Variants in RPL11 observed in about 807,000 individuals in gnomAD.
The protein encoded by RPL11 is large ribosomal subunit protein uL5.
Under a neutral mutation model 24.1 loss-of-function variants are expected in RPL11, and 3 were observed. The observed-to-expected ratio is 0.12, with a 90% confidence interval of 0.06 to 0.32. The LOEUF (loss-of-function observed/expected upper bound fraction) is 0.32, where lower values mean the gene tolerates loss of function less well. RPL11 is among the 10% of genes least tolerant of loss of function. The pLI is 1.00. For synonymous variants in RPL11, 96 were observed against 75.7 expected (o/e 1.27, Z -1.39); for missense variants, 146 against 225.7 (o/e 0.65, Z 2.26).
chr1:23,695,673 G>C, intron 4 of RPL11, 125 bp from the exon 5 acceptor site: 1 of 853,994 alleles, frequency 1.2e-6, no homozygotes, highest in Non-Finnish European at 1.9e-6. Flanking sequence ...CAGATCATGG[G>C]TCTTGCTCCA....
chr1:23,695,779 T>C lies in RPL11; in HGVS notation c.397-19T>C. On this transcript the variant is annotated intron_variant, in intron 4 of 5. Transcript: ENST00000643754. ...TGACTCTGAGCTGGCTAGGTGACTG[T>C]TGGTTATTCCTGGGACAGGTGCTGG... The C allele has an allele frequency of 6.4e-7, 1 of 1,569,354 alleles. No homozygotes were observed. Among genetic ancestry groups the C allele is most frequent in the East Asian group, 2.3e-5 (1 of 43,260 alleles).
Position 23,693,988 on chromosome 1 carries a change from T to G in RPL11, c.264+75T>G, listed in dbSNP as rs1045194658. On this transcript the variant is annotated intron_variant, in intron 3 of 5. Coordinates refer to ENST00000643754, the MANE Select transcript of RPL11 (RefSeq NM_000975.5). ...ACACATGTAGATAAGTTACATTTAA[T>G]GTTCTGTTCTTTGGTGTCTTGATAT... The G allele has an allele frequency of 6.4e-6, 7 of 1,092,430 alleles. No individual in the cohort carries two copies. The African/African-American group carries it at 1.1e-4, about 17-fold the overall frequency. The allele number at this position is 1,092,430 out of a possible 1,614,324, so 67.7% of individuals were successfully genotyped here.
In RPL11 at chr1:23,696,622, G is replaced by A. The variant is rs973973201; in HGVS notation, c.*249G>A. The A allele has an allele frequency of 4.8e-5, 28 of 580,614 alleles. 1 individual carries two copies. The highest frequency in any genetic ancestry group is 4.7e-4 in the African/African-American group (25 of 53,556). 36.0% of individuals were successfully genotyped at this position (580,614 alleles called of 1,614,324 possible). A position where few individuals can be genotyped will look rare whatever the true frequency, so the allele number is the denominator to read the frequency against. On this transcript the variant is annotated 3_prime_UTR_variant, in exon 6 of 6. Transcript: ENST00000643754. Reference sequence around the variant, plus strand: ...GCCACACCTTGGTTGATGTGCTGTGGTGCAGTAGCCCCATTTGGAGGGGAG... The same window carrying A: ...GCCACACCTTGGTTGATGTGCTGTGATGCAGTAGCCCCATTTGGAGGGGAG...
At position 23,696,362 on chromosome 1, in the gene RPL11, C is replaced by T. The variant is rs11556035; in HGVS notation, c.526C>T (p.Pro176Ser). 6.2e-7 allele frequency: 1 copy of T among 1,614,036 alleles called. No individual in the cohort carries two copies. Among genetic ancestry groups the T allele is most frequent in the Non-Finnish European group, 8.5e-7 (1 of 1,179,924 alleles). Residue 176 changes from proline (P) to serine (S), a missense_variant, in exon 6 of 6, where the codon CCT becomes TCT. Pro to Ser is a moderately conservative substitution (Grantham distance 74). Transcript: ENST00000643754. ...FQQKYDGIIL[P>S]GK is the part of the protein sequence containing the mutation. ...CTTTCAGTATGATGGGATCATCCTTCCTGGCAAATAAATTCCCGTTTCTAT... is the reference window on the plus strand; with the variant it reads ...CTTTCAGTATGATGGGATCATCCTTTCTGGCAAATAAATTCCCGTTTCTAT...
In RPL11 at chr1:23,693,689, A is replaced by G. The variant is rs1185009593; in HGVS notation, c.158-118A>G. 6 of 733,790 alleles carry G rather than the reference A, an allele frequency of 8.2e-6. No homozygotes were observed. The Admixed American group carries it at 1.0e-4, about 12-fold the overall frequency. 45.5% of individuals were successfully genotyped at this position (733,790 alleles called of 1,614,324 possible). A position where few individuals can be genotyped will look rare whatever the true frequency, so the allele number is the denominator to read the frequency against. On this transcript the variant is annotated intron_variant, in intron 2 of 5. Transcript: ENST00000643754. ...GACACTAATTAGAACACCACAACTT[A>G]AAAGAGTGTGGATGAATGCTTAATG...
rs1570566105 is a variant in RPL11, at chr1:23,692,179, G to C, written c.6+350G>C. 3 of 479,800 alleles carry C rather than the reference G, an allele frequency of 6.3e-6. No homozygotes were observed. The East Asian group carries it at 1.2e-4, about 19-fold the overall frequency. The allele number at this position is 479,800 out of a possible 1,614,324, so 29.7% of individuals were successfully genotyped here. On this transcript the variant is annotated intron_variant, in intron 1 of 5. Transcript: ENST00000643754. The stretch of plus-strand genomic sequence containing the variant: ...GCTCGGTGCTAGGAAACCTTAGTCG[G>C]TTGCTCCGCTTAGGGAAGGTGCCAG...
At chr1:23,693,505 T>C (rs1195428281) in intron 2 of RPL11, among the ~76,000 whole-genome samples, 3 of 152,242 alleles carry the variant, frequency 2.0e-5, no homozygotes, top group African/African-American at 7.2e-5. Context: ...CTTTGGAACA[T>C]GATAATCTTA....
chr1:23,695,706 A>T, intron 4 of RPL11, 92 bp from the exon 5 acceptor site: 1 of 1,206,008 alleles, frequency 8.3e-7, no homozygotes, highest in Admixed American at 2.0e-5. Flanking sequence ...CTGCCAAGTG[A>T]CTCTTTGAAG....
chr1:23,694,934 G>A, intron 4 of RPL11, 143 bp downstream of exon 4: 1 of 1,337,644 alleles, frequency 7.5e-7, no homozygotes, highest in Non-Finnish European at 1.1e-6. Context: ...TTGGGGAAAT[G>A]TGCCTCATTT....
At chr1:23,694,401 G>T (rs1373044550) in intron 3 of RPL11, among the ~76,000 whole-genome samples, 1 of 151,826 alleles carries the variant, frequency 6.6e-6, no homozygotes, top group Non-Finnish European at 1.5e-5. Context: ...GAAAAAGGAT[G>T]CTTGGGAGTC....
chr1:23,695,750 C>G, intron 4 of RPL11, 48 bp from the exon 5 acceptor site: 1 of 1,511,572 alleles, frequency 6.6e-7, no homozygotes. Context: ...TGTCCATCTG[C>G]TCTTGACTCT....
rs1328104925 is a variant in RPL11 at position 23,693,865 on chromosome 1, C to T, written c.216C>T (p.Cys72=). Residue 72 remains cysteine, a synonymous_variant, in exon 3 of 6, where the codon TGC becomes TGT. Transcript: ENST00000643754. The stretch of plus-strand genomic sequence containing the variant: ...GAAATGAAAAGATTGCTGTCCACTG[C>T]ACAGTTCGAGGGGCCAAGGCAGAAG... The part of the protein sequence containing the change: ...IRRNEKIAVH[C]TVRGAKAEEI... 1 of 1,614,144 alleles carries T rather than the reference C, an allele frequency of 6.2e-7. No individual in the cohort carries two copies. Among genetic ancestry groups the T allele is most frequent in the East Asian group, 2.2e-5 (1 of 44,882 alleles).
chr1:23,693,424 C>T (rs566367662), intron 2 of RPL11, among the ~76,000 whole-genome samples: 1 of 152,174 alleles, frequency 6.6e-6, no homozygotes. Context: ...CAAAACCTCA[C>T]CTGTAAAATA....
Position 23,694,788 on chromosome 1 carries a change from T to C in RPL11, c.393T>C (p.Tyr131=). ...PSIGIYGLDF[Y]VVLGRPGFSI... is the part of the protein sequence containing the mutation. ...TTGGTATCTACGGCCTGGACTTCTA[T>C]GTGGTATGAATATTTAATCTTTTCC... Residue 131 remains tyrosine, a synonymous_variant, in exon 4 of 6, where the codon TAT becomes TAC. Coordinates refer to ENST00000643754, the MANE Select transcript of RPL11 (RefSeq NM_000975.5). 8 of 1,614,202 alleles carry C rather than the reference T, an allele frequency of 5.0e-6. No individual in the cohort carries two copies. The highest frequency in any genetic ancestry group is 1.7e-5 in the Admixed American group (1 of 59,998).
chr1:23,691,969 C>T, intron 1 of RPL11, 140 bp downstream of exon 1: 2 of 1,135,868 alleles, frequency 1.8e-6, no homozygotes, highest in Admixed American at 3.4e-5. Context: ...CAGAGCCGTT[C>T]GAGCCAAGGA....
chr1:23,692,264 C>G (rs1441857755), intron 1 of RPL11: 7 of 420,318 alleles, frequency 1.7e-5, no homozygotes, highest in Non-Finnish European at 3.1e-5. Flanking sequence ...TTCCTGTTAA[C>G]TGAGCAATTA....
intron 5 of RPL11, 78 bp downstream of exon 5, chr1:23,695,986 T>C (rs1644530721): frequency 4.5e-6 from 6 of 1,335,140 alleles, no homozygotes; most frequent in Admixed American, 2.0e-5. Flanking sequence ...ATGCAAAATA[T>C]AGTACTATTT....
chr1:23,692,552 G>A, intron 1 of RPL11, 57 bp from the exon 2 acceptor site: 1 of 1,610,244 alleles, frequency 6.2e-7, no homozygotes, highest in African/African-American at 1.3e-5. Context: ...ATAGAAAGTA[G>A]TAAAACTCAG....
At chr1:23,692,809 T>G (rs909107637) in intron 2 of RPL11, 50 bp downstream of exon 2, 2 of 1,610,630 alleles carry the variant, frequency 1.2e-6, no homozygotes, top group African/African-American at 2.7e-5. Flanking sequence ...GTCGCTTGGT[T>G]GTTTCTTGAT....
Sources: allele counts gnomAD v4.1 joint callset (sites outside exome capture counted in the v4.1 genomes callset), GRCh38; gene constraint gnomAD v4.1.1; transcripts MANE v1.5; gene names NCBI Gene and HGNC (gene_info 2026-07-23, HGNC 2026-07-21).